The following RBM39 variants were observed in gnomAD, a reference collection of about 807,000 sequenced individuals.
RBM39 encodes the protein RNA binding motif protein 39.
RBM39 carries 12 observed loss-of-function variants against 79.6 expected under a neutral mutation model. The observed-to-expected ratio is 0.15, with a 90% CI of 0.10 to 0.24. RBM39 has a LOEUF of 0.24. Ranked by LOEUF, RBM39 falls within the 10% of genes least tolerant of loss-of-function variation. The pLI, the probability that RBM39 is intolerant of heterozygous loss-of-function variation, is 1.00. For missense variants in RBM39, 243 were observed against 653.4 expected (o/e 0.37, Z 6.85); for synonymous variants, 185 against 208.4 (o/e 0.89, Z 0.97).
chr20:35,709,169 T>G, intron 13 of RBM39, 55 bp downstream of exon 13: 1 of 1,458,308 alleles, frequency 6.9e-7, no homozygotes, highest in Non-Finnish European at 9.4e-7. Context: ...ACTGTCTTAC[T>G]ACATTTAATT....
intron 6 of RBM39, among the ~76,000 whole-genome samples, chr20:35,728,143 G>A (rs1036468884): frequency 4.6e-5 from 7 of 152,180 alleles, no homozygotes; most frequent in Admixed American, 3.3e-4. Flanking sequence ...GAAGAACCTA[G>A]GAGTAACAAT....
intron 9 of RBM39, among the ~76,000 whole-genome samples, chr20:35,720,353 C>G (rs985225694): frequency 1.3e-5 from 2 of 152,144 alleles, no homozygotes; most frequent in Admixed American, 6.5e-5. Context: ...GCCTGTGAAG[C>G]AGATCAAGTT....
intron 6 of RBM39, 92 bp from the exon 7 acceptor site, chr20:35,725,247 T>G: frequency 1.1e-6 from 1 of 899,842 alleles, no homozygotes; most frequent in Non-Finnish European, 1.7e-6. Context: ...CAACAGGTTT[T>G]CAGGTACAGG....
At chr20:35,730,307 G>C (rs974042090) in intron 4 of RBM39, among the ~76,000 whole-genome samples, 1 of 152,186 alleles carries the variant, frequency 6.6e-6, no homozygotes, top group African/African-American at 2.4e-5. Context: ...AAAGGGACTA[G>C]CCAGTTGTCC....
At chr20:35,713,596 A>T (rs1234833779) in intron 11 of RBM39, 1 of 139,682 alleles carries the variant, frequency 7.2e-6, no homozygotes, top group Non-Finnish European at 1.5e-5. Context: ...AACTGCTGGG[A>T]TTACAGTTGT....
At chr20:35,714,413 C>T (rs780574496) in intron 10 of RBM39, 24 bp from the exon 11 acceptor site, 1 of 1,603,636 alleles carries the variant, frequency 6.2e-7, no homozygotes, top group East Asian at 2.2e-5. Flanking sequence ...GAGGCAAGGA[C>T]AGGAGACAGT....
At position 35,703,359 on chromosome 20, in the gene RBM39, T is replaced by C. The variant is rs1184053217; in HGVS notation, c.*1122A>G. ...CCCAGACAATGCAGGAGACCAAGAA[T>C]GCCCAGGTTTTAAGGCCAGGCTGTT... On this transcript the variant is annotated 3_prime_UTR_variant, in exon 17 of 17. Transcript: ENST00000253363. The C allele has an allele frequency of 6.6e-6, 1 of 152,208 alleles. No homozygotes were observed. The highest frequency in any genetic ancestry group is 2.4e-5 in the African/African-American group (1 of 41,460). 9.4% of individuals were successfully genotyped at this position (152,208 alleles called of 1,614,324 possible).
intron 4 of RBM39, chr20:35,731,740 T>C (rs1421251040): frequency 1.5e-5 from 9 of 600,178 alleles, no homozygotes; most frequent in Non-Finnish European, 2.3e-5. Context: ...TCAGTATGCC[T>C]AGTAAAAGCA....
chr20:35,707,008 C>CA (rs1163318420), intron 14 of RBM39, 112 bp downstream of exon 14: 3 of 460,756 alleles, frequency 6.5e-6, no homozygotes, highest in Non-Finnish European at 3.2e-6. Context: ...GCCTAGACAA[C>CA]AAGAGCGAAA....
At chr20:35,741,911 GAT>G (rs1243805679) in intron 1 of RBM39, 28 bp downstream of exon 1, 1 of 176,158 alleles carries the variant, frequency 5.7e-6, no homozygotes, top group Non-Finnish European at 1.2e-5. Context: ...AGAAAGCTGA[GAT>G]AATACGCGGG....
At chr20:35,727,807 G>A (rs1600558359) in intron 6 of RBM39, among the ~76,000 whole-genome samples, 2 of 152,060 alleles carry the variant, frequency 1.3e-5, no homozygotes, top group Admixed American at 6.6e-5. Flanking sequence ...ACACCACCAC[G>A]CCCAGCTAAT....
chr20:35,726,109 A>G (rs2038656887), intron 6 of RBM39, among the ~76,000 whole-genome samples: 1 of 152,156 alleles, frequency 6.6e-6, no homozygotes, highest in Non-Finnish European at 1.5e-5. Context: ...TACTGGCCTT[A>G]CCATCTCAAA....
intron 15 of RBM39, 87 bp downstream of exon 15, chr20:35,705,138 G>C (rs1268009982): frequency 2.6e-5 from 21 of 801,384 alleles, no homozygotes; most frequent in Admixed American, 6.2e-5. Context: ...ATGGAAGACG[G>C]TTAACCATAA....
At chr20:35,715,870 C>T (rs1360780192) in intron 10 of RBM39, among the ~76,000 whole-genome samples, 1 of 148,380 alleles carries the variant, frequency 6.7e-6, no homozygotes, top group Non-Finnish European at 1.5e-5. Flanking sequence ...CACAGGATGT[C>T]TTCCTCTCTC....
intron 8 of RBM39, 42 bp from the exon 9 acceptor site, chr20:35,721,919 A>G: frequency 6.3e-7 from 1 of 1,593,802 alleles, no homozygotes; most frequent in Non-Finnish European, 8.6e-7. Context: ...AACACACAGC[A>G]GTTTAAAGAC....
At chr20:35,713,799 A>G (rs960669487) in intron 11 of RBM39, 5 of 161,446 alleles carry the variant, frequency 3.1e-5, no homozygotes, top group African/African-American at 1.2e-4. Context: ...AAAGAGGCAG[A>G]GGTTGCGGTG....
In RBM39 at chr20:35,724,533, C is replaced by T. The variant is rs778309311; in HGVS notation, c.687+37G>A. 12 of 1,603,342 alleles carry T rather than the reference C, an allele frequency of 7.5e-6. No homozygotes were observed. In the Admixed American group the frequency reaches 1.9e-4, roughly 25 times the overall value. On this transcript the variant is annotated intron_variant, in intron 8 of 16. Coordinates refer to ENST00000253363, the MANE Select transcript of RBM39 (RefSeq NM_184234.3). Reference sequence around the variant, plus strand: ...CCATGCAACAGGAGGCTTTCAACACCACCAATAATCAAACTCTTAACCAAC... The same window carrying T: ...CCATGCAACAGGAGGCTTTCAACACTACCAATAATCAAACTCTTAACCAAC...
chr20:35,735,290 G>A (rs749838428), intron 3 of RBM39, among the ~76,000 whole-genome samples: 2 of 152,194 alleles, frequency 1.3e-5, no homozygotes, highest in Non-Finnish European at 2.9e-5. Context: ...GCAAGCTCAA[G>A]CACTTAGGAT....
At position 35,714,090 on chromosome 20, in the gene RBM39, A is replaced by G. The variant is rs540175053; in HGVS notation, c.1096+95T>C. 137 of 1,262,602 alleles carry G rather than the reference A, an allele frequency of 1.1e-4. 1 individual carries two copies. The Middle Eastern group carries it at 1.7e-3, about 15-fold the overall frequency. 78.2% of individuals were successfully genotyped at this position (1,262,602 alleles called of 1,614,324 possible). On this transcript the variant is annotated intron_variant, in intron 11 of 16. Transcript: ENST00000253363. ...AGGATAACGCCAACTACAAAATAAG[A>G]TAAAATCTTTTTCCCTTTCTTAGTT...
Sources: gnomAD v4.1 joint callset for allele counts (sites outside exome capture counted in the v4.1 genomes callset) on GRCh38, gnomAD v4.1.1 for gene constraint, MANE v1.5 for transcripts, NCBI Gene and HGNC (gene_info 2026-07-23, HGNC 2026-07-21) for gene names.